The following CCDC171 variants were observed in gnomAD, a reference collection of about 807,000 sequenced individuals.
CCDC171 encodes coiled-coil domain-containing protein 171.
A neutral mutation model predicts 168.2 loss-of-function variants in CCDC171; 177 were observed. The observed-to-expected ratio is 1.05, with a 90% CI of 0.93 to 1.19. CCDC171 has a LOEUF of 1.19. Among genes scored for constraint, CCDC171 ranks in the 50% most tolerant of loss-of-function variants. CCDC171 has a pLI of 0.00. For missense variants in CCDC171, 1,991 were observed against 1,539.0 expected (o/e 1.29, Z -4.91); for synonymous variants, 687 against 540.8 (o/e 1.27, Z -3.75).
At chr9:15,575,401 T>A (rs1409712510) in intron 3 of CCDC171, among the ~76,000 whole-genome samples, 1 of 152,098 alleles carries the variant, frequency 6.6e-6, no homozygotes, top group African/African-American at 2.4e-5. Context: ...CTTGAACTTC[T>A]GGGCTCAAGT....
At chr9:15,637,288 C>T (rs1036463071) in intron 7 of CCDC171, among the ~76,000 whole-genome samples, 1 of 151,904 alleles carries the variant, frequency 6.6e-6, no homozygotes, top group Non-Finnish European at 1.5e-5. Flanking sequence ...TAATAAAATG[C>T]ACACAAAAAA....
At chr9:15,627,002 T>C (rs1210423964) in intron 7 of CCDC171, among the ~76,000 whole-genome samples, 1 of 152,234 alleles carries the variant, frequency 6.6e-6, no homozygotes, top group Admixed American at 6.5e-5. Context: ...GAGCCTGTTA[T>C]TGGTCTATTT....
At chr9:15,701,478 G>GA (rs1284623911) in intron 11 of CCDC171, among the ~76,000 whole-genome samples, 1 of 151,904 alleles carries the variant, frequency 6.6e-6, no homozygotes, top group Non-Finnish European at 1.5e-5. Flanking sequence ...TAAGATGACA[G>GA]TGATGAAGTT....
chr9:15,608,176 G>A (rs7865541), intron 6 of CCDC171, among the ~76,000 whole-genome samples: 1,678 of 152,240 alleles, frequency 0.011, 34 homozygotes, highest in African/African-American at 0.038. Context: ...CCATTCACAA[G>A]GGCAGAGCTG....
chr9:15,616,260 T>G (rs940434122), intron 6 of CCDC171, among the ~76,000 whole-genome samples: 4 of 152,056 alleles, frequency 2.6e-5, no homozygotes, highest in African/African-American at 9.7e-5. Flanking sequence ...CCATTTCTGT[T>G]TATTTTTTAG....
downstream of CCDC171, among the ~76,000 whole-genome samples, chr9:15,974,598 C>T (rs1206455821): frequency 6.6e-6 from 1 of 152,084 alleles, no homozygotes; most frequent in Non-Finnish European, 1.5e-5. Flanking sequence ...CTGAGTCACA[C>T]TTACATATTG....
intron 1 of CCDC171, among the ~76,000 whole-genome samples, chr9:15,561,644 G>T (rs2039309477): frequency 6.6e-6 from 1 of 152,050 alleles, no homozygotes; most frequent in Non-Finnish European, 1.5e-5. Context: ...AGAGGGAGGA[G>T]ATTTTACTGC....
chr9:15,623,406 A>G lies in CCDC171; in HGVS notation c.815A>G (p.Glu272Gly). The change falls in exon 7 of 26, where the codon GAA (glutamate) becomes GGA (glycine). Residue 272 changes from glutamate to glycine, a missense_variant. By Grantham distance (98) the Glu-to-Gly change is moderately conservative (BLOSUM62 -2). Coordinates refer to ENST00000380701, the MANE Select transcript of CCDC171 (RefSeq NM_173550.4). ...STQREERLRK[E>G]FEATTLRVRK... Reference sequence around the variant, plus strand: ...CAACGAGAGGAACGCCTTAGAAAAGAATTTGAGGTACATTTTCTCATTCCT... The same window carrying G: ...CAACGAGAGGAACGCCTTAGAAAAGGATTTGAGGTACATTTTCTCATTCCT... 6.3e-7 allele frequency: 1 copy of G among 1,599,108 alleles called. No homozygotes were observed. The highest frequency in any genetic ancestry group is 8.5e-7 in the Non-Finnish European group (1 of 1,171,698).
chr9:15,637,868 C>A lies in CCDC171; in HGVS notation c.822+14455C>A, dbSNP rs542806505. 4.4e-4 allele frequency among the ~76,000 whole-genome samples: 67 copies of A among 151,688 alleles called. 3 individuals carry two copies. The highest frequency in any genetic ancestry group is 8.5e-4 in the Admixed American group (13 of 15,236). On this transcript the variant is annotated intron_variant, in intron 7 of 25. Coordinates refer to ENST00000380701, the MANE Select transcript of CCDC171 (RefSeq NM_173550.4). ...CCACATTTTCTTAATCCAGTCTATC[C>A]TTGTTGGACATTTGGGTTGGTTCCA... is the stretch of plus-strand genomic sequence containing the variant.
At chr9:15,777,209 G>T (rs1034593380) in intron 18 of CCDC171, among the ~76,000 whole-genome samples, 1 of 152,172 alleles carries the variant, frequency 6.6e-6, no homozygotes, top group Admixed American at 6.5e-5. Context: ...AATTGCCTTG[G>T]AATAAGGCAA....
At chr9:15,827,088 C>T (rs568653214) in intron 21 of CCDC171, among the ~76,000 whole-genome samples, 2 of 152,186 alleles carry the variant, frequency 1.3e-5, no homozygotes, top group African/African-American at 4.8e-5. Flanking sequence ...CTGGGCAACC[C>T]TCAAATGAAT....
At chr9:15,759,654 T>G (rs2135054644) in intron 18 of CCDC171, among the ~76,000 whole-genome samples, 1 of 152,308 alleles carries the variant, frequency 6.6e-6, no homozygotes, top group Admixed American at 6.5e-5. Context: ...TTAGTTTTGA[T>G]TTGTCTGATG....
chr9:15,852,448 T>G lies in CCDC171; in HGVS notation c.3468+3501T>G, dbSNP rs181362116. On this transcript the variant is annotated intron_variant, in intron 23 of 25. Coordinates refer to ENST00000380701, the MANE Select transcript of CCDC171 (RefSeq NM_173550.4). Reference sequence around the variant, plus strand: ...GGTTGATTGTCTTTTTGTTGTTGAGTTTTAAGAGTTCTTTGCATATTCTGG... The same window carrying G: ...GGTTGATTGTCTTTTTGTTGTTGAGGTTTAAGAGTTCTTTGCATATTCTGG... Among the ~76,000 whole-genome samples the G allele has an allele frequency of 2.6e-3, 399 of 151,884 alleles. 1 individual carries two copies. Among genetic ancestry groups the G allele is most frequent in the Non-Finnish European group, 4.6e-3 (310 of 67,786 alleles).
the CCDC171 span, among the ~76,000 whole-genome samples, chr9:16,075,233 C>T: frequency 6.6e-6 from 1 of 152,144 alleles, no homozygotes; most frequent in Non-Finnish European, 1.5e-5. Context: ...CCTCATATTT[C>T]AGCACCCTAA....
intron 23 of CCDC171, among the ~76,000 whole-genome samples, chr9:15,869,614 C>G (rs2061945140): frequency 6.6e-6 from 1 of 150,990 alleles, no homozygotes; most frequent in South Asian, 2.1e-4. Context: ...AAAAGACTCT[C>G]CAGTATGCCT....
At chr9:16,079,316 T>C in the CCDC171 span, among the ~76,000 whole-genome samples, 6 of 152,190 alleles carry the variant, frequency 3.9e-5, no homozygotes, top group African/African-American at 1.4e-4. Flanking sequence ...TACCAGTACA[T>C]AGAATGTGAC....
At chr9:15,624,048 C>G (rs1323138369) in intron 7 of CCDC171, among the ~76,000 whole-genome samples, 2 of 151,980 alleles carry the variant, frequency 1.3e-5, no homozygotes, top group African/African-American at 2.4e-5. Flanking sequence ...AATTTGTAAT[C>G]TTTATTAGGC....
chr9:15,825,544 T>G (rs919843800), intron 21 of CCDC171, among the ~76,000 whole-genome samples: 1 of 152,244 alleles, frequency 6.6e-6, no homozygotes, highest in South Asian at 2.1e-4. Flanking sequence ...TTAGAAAGTT[T>G]TGGAGTCAGA....
intron 21 of CCDC171, among the ~76,000 whole-genome samples, chr9:15,790,798 T>G (rs62571305): frequency 0.48 from 72,496 of 152,016 alleles, 17,458 homozygotes; most frequent in South Asian, 0.54. Flanking sequence ...GGGATCCAGT[T>G]TCAGCTTTCT....
Sources: gnomAD v4.1 joint callset for allele counts (sites outside exome capture counted in the v4.1 genomes callset) on GRCh38, gnomAD v4.1.1 for gene constraint, MANE v1.5 for transcripts, NCBI Gene and HGNC (gene_info 2026-07-23, HGNC 2026-07-21) for gene names.